The following NAA11 variants were observed in gnomAD, a reference collection of about 807,000 sequenced individuals.
NAA11 encodes the protein N-alpha-acetyltransferase 11.
NAA11 carries 15 observed loss-of-function variants against 16.1 expected under a neutral mutation model. The ratio of observed to expected loss-of-function variants is 0.93; its 90% confidence interval spans 0.62 to 1.44. The LOEUF is 1.44. NAA11 is among the 40% of genes most tolerant of loss of function. The probability of loss-of-function intolerance (pLI) is 0.00; values close to 1 mark genes in which losing one functional copy is unlikely to be tolerated. For synonymous variants in NAA11, 122 were observed against 112.4 expected (o/e 1.09, Z -0.54); for missense variants, 298 against 291.3 (o/e 1.02, Z -0.17).
At chr4:79,212,851 T>C in the NAA11 span, among the ~76,000 whole-genome samples, 1 of 152,170 alleles carries the variant, frequency 6.6e-6, no homozygotes, top group African/African-American at 2.4e-5. Flanking sequence ...GTTTCAGGCA[T>C]GCACTAGTGG....
chr4:79,182,405 C>G, the NAA11 span, among the ~76,000 whole-genome samples: 1 of 152,250 alleles, frequency 6.6e-6, no homozygotes, highest in South Asian at 2.1e-4. Context: ...AGAGCAATGA[C>G]TAAGTTCGTT....
the NAA11 span, among the ~76,000 whole-genome samples, chr4:79,208,749 G>A: frequency 6.6e-6 from 1 of 150,992 alleles, no homozygotes; most frequent in African/African-American, 2.4e-5. Context: ...TGGCTAAATA[G>A]GATAATACCT....
downstream of NAA11, among the ~76,000 whole-genome samples, chr4:79,314,607 TG>T (rs1723873256): frequency 7.3e-6 from 1 of 137,266 alleles, no homozygotes; most frequent in East Asian, 2.2e-4. Flanking sequence ...TTAGACCACC[TG>T]AACCCATACA....
chr4:79,159,950 A>G, the NAA11 span, among the ~76,000 whole-genome samples: 2 of 148,348 alleles, frequency 1.3e-5, no homozygotes, highest in Non-Finnish European at 3.0e-5. Context: ...TCTATTAGAT[A>G]TTTTTGTTCA....
chr4:79,167,270 T>TAGAGAGAG, the NAA11 span, among the ~76,000 whole-genome samples: 140 of 98,474 alleles, frequency 1.4e-3, 2 homozygotes, highest in Middle Eastern at 0.01. Context: ...TATATATATA[T>TAGAGAGAG]AGAGAGAGAG....
intron 2 of NAA11, among the ~76,000 whole-genome samples, chr4:79,230,697 TAACTA>T (rs1242440103): frequency 1.3e-5 from 2 of 152,002 alleles, no homozygotes; most frequent in Non-Finnish European, 2.9e-5. Context: ...TTTGCAGTAA[TAACTA>T]AAGGAGTTTT....
chr4:79,197,352 G>A, the NAA11 span, among the ~76,000 whole-genome samples: 941 of 152,022 alleles, frequency 6.2e-3, 12 homozygotes, highest in African/African-American at 0.022. Context: ...GTTTGCTGTA[G>A]TAGACATTAT....
chr4:79,304,338 C>A (rs1723499848), intron 1 of NAA11, among the ~76,000 whole-genome samples: 1 of 152,106 alleles, frequency 6.6e-6, no homozygotes. Context: ...TAAAACAGCA[C>A]AACATTGCAA....
At chr4:79,173,317 C>T in the NAA11 span, among the ~76,000 whole-genome samples, 1 of 151,978 alleles carries the variant, frequency 6.6e-6, no homozygotes, top group African/African-American at 2.4e-5. Context: ...TCTATATGAG[C>T]TAATAAAAGT....
At chr4:79,297,040 C>A (rs1578184615) in intron 1 of NAA11, among the ~76,000 whole-genome samples, 2 of 152,166 alleles carry the variant, frequency 1.3e-5, no homozygotes, top group African/African-American at 4.8e-5. Context: ...TGTCCCTGAG[C>A]AGCAGACTGC....
intron 2 of NAA11, among the ~76,000 whole-genome samples, chr4:79,258,154 G>A (rs1005026298): frequency 3.9e-5 from 6 of 152,256 alleles, no homozygotes; most frequent in Middle Eastern, 3.2e-3. Context: ...GTCAGCTACA[G>A]GCCTCCCTGT....
the NAA11 span, among the ~76,000 whole-genome samples, chr4:79,189,145 C>CAAAAAGAAAAAAAAAAA: frequency 2.4e-5 from 1 of 42,282 alleles, no homozygotes; most frequent in African/African-American, 6.7e-5. Context: ...GACTCCATCT[C>CAAAAAGAAAAAAAAAAA]AAAAAAAAAA....
At chr4:79,313,290 C>G (rs1229095032), downstream of NAA11, among the ~76,000 whole-genome samples, 1 of 152,090 alleles carries the variant, frequency 6.6e-6, no homozygotes, top group Non-Finnish European at 1.5e-5. Context: ...CACAATAACC[C>G]TGAAAGCACA....
the NAA11 span, among the ~76,000 whole-genome samples, chr4:79,208,925 C>CAAAAA: frequency 0.025 from 1,352 of 53,958 alleles, 89 homozygotes; most frequent in Middle Eastern, 0.088. Context: ...ATATAACTGC[C>CAAAAA]AAAAAAAAAA....
chr4:79,253,565 G>C (rs544183886), intron 2 of NAA11, among the ~76,000 whole-genome samples: 1 of 152,000 alleles, frequency 6.6e-6, no homozygotes, highest in Non-Finnish European at 1.5e-5. Flanking sequence ...GAGAGAGAGA[G>C]AGAACTAAAG....
intron 2 of NAA11, among the ~76,000 whole-genome samples, chr4:79,248,323 C>G (rs1301419836): frequency 6.6e-6 from 1 of 152,148 alleles, no homozygotes; most frequent in Non-Finnish European, 1.5e-5. Context: ...TCAGTACACA[C>G]ACACCCATAA....
At chr4:79,210,416 T>G in the NAA11 span, among the ~76,000 whole-genome samples, 1 of 152,134 alleles carries the variant, frequency 6.6e-6, no homozygotes, top group Non-Finnish European at 1.5e-5. Context: ...TTTTCTTCCT[T>G]TGTGGTTTTC....
chr4:79,157,292 C>T, the NAA11 span, among the ~76,000 whole-genome samples: 1 of 152,018 alleles, frequency 6.6e-6, no homozygotes, highest in Admixed American at 6.6e-5. Context: ...TCCATTGTAT[C>T]ATTCTGATGC....
intron 2 of NAA11, among the ~76,000 whole-genome samples, chr4:79,293,838 G>A (rs556956360): frequency 2.0e-5 from 3 of 152,320 alleles, no homozygotes; most frequent in Non-Finnish European, 4.4e-5. Context: ...CAGTGCAACA[G>A]TGTTAAGAGG....
Sources: allele counts gnomAD v4.1 joint callset (sites outside exome capture counted in the v4.1 genomes callset), GRCh38; gene constraint gnomAD v4.1.1; transcripts MANE v1.5; gene names NCBI Gene and HGNC (gene_info 2026-07-23, HGNC 2026-07-21).